The following CNTN5 variants were observed in gnomAD, a reference collection of about 807,000 sequenced individuals.
CNTN5 encodes the protein contactin 5.
A neutral mutation model predicts 129.1 loss-of-function variants in CNTN5; 77 were observed. The observed-to-expected ratio is 0.60, with a 90% CI of 0.50 to 0.72. The LOEUF is 0.72. Among genes scored for constraint, CNTN5 ranks in the 30% least tolerant of loss-of-function variants. The pLI is 0.00. For synonymous variants in CNTN5, 509 were observed against 465.6 expected (o/e 1.09, Z -1.20); for missense variants, 1,478 against 1,328.8 (o/e 1.11, Z -1.75).
At chr11:99,047,549 G>A (rs1004213285) in intron 1 of CNTN5, among the ~76,000 whole-genome samples, 2 of 152,016 alleles carry the variant, frequency 1.3e-5, no homozygotes, top group African/African-American at 4.8e-5. Flanking sequence ...ATAACATTTT[G>A]TTACAATAAT....
intron 3 of CNTN5, among the ~76,000 whole-genome samples, chr11:99,683,729 A>G (rs1050912521): frequency 5.3e-5 from 8 of 151,886 alleles, no homozygotes; most frequent in African/African-American, 1.9e-4. Flanking sequence ...TAACTGTTTT[A>G]AAATAATGAG....
intron 1 of CNTN5, among the ~76,000 whole-genome samples, chr11:99,296,745 T>C (rs887800181): frequency 6.6e-6 from 1 of 152,182 alleles, no homozygotes; most frequent in Non-Finnish European, 1.5e-5. Context: ...TATCCACTTT[T>C]AATTAAGCTG....
chr11:99,479,602 A>G (rs1945512069), intron 2 of CNTN5, among the ~76,000 whole-genome samples: 1 of 152,110 alleles, frequency 6.6e-6, no homozygotes, highest in East Asian at 1.9e-4. Context: ...CTAGAAATAC[A>G]TCATACCAAG....
chr11:99,655,037 C>T (rs1037915694), intron 3 of CNTN5, among the ~76,000 whole-genome samples: 2 of 151,434 alleles, frequency 1.3e-5, no homozygotes, highest in Non-Finnish European at 1.5e-5. Flanking sequence ...AAGAGTGCTG[C>T]GTGAAGTCAT....
At chr11:100,141,523 A>G (rs1365806265) in intron 13 of CNTN5, among the ~76,000 whole-genome samples, 2 of 152,126 alleles carry the variant, frequency 1.3e-5, no homozygotes, top group Admixed American at 1.3e-4. Flanking sequence ...AGAGAATAAC[A>G]ACTTACCTCT....
At chr11:100,319,435 G>A (rs1451373895) in intron 21 of CNTN5, among the ~76,000 whole-genome samples, 1 of 152,114 alleles carries the variant, frequency 6.6e-6, no homozygotes, top group Non-Finnish European at 1.5e-5. Context: ...TTACAGGCAT[G>A]AGCCACTGTG....
chr11:100,277,168 G>GAAT (rs1477059345), intron 18 of CNTN5, among the ~76,000 whole-genome samples: 1 of 152,086 alleles, frequency 6.6e-6, no homozygotes, highest in Non-Finnish European at 1.5e-5. Context: ...TCTTTTGTAT[G>GAAT]GCTCAATAAT....
intron 2 of CNTN5, among the ~76,000 whole-genome samples, chr11:99,466,231 G>A (rs2726389): frequency 6.6e-6 from 1 of 151,888 alleles, no homozygotes; most frequent in African/African-American, 2.4e-5. Flanking sequence ...TCACTTCTAC[G>A]AGAACAGCAA....
At chr11:99,987,487 A>G (rs911171752) in intron 8 of CNTN5, among the ~76,000 whole-genome samples, 5 of 150,354 alleles carry the variant, frequency 3.3e-5, no homozygotes, top group African/African-American at 9.7e-5. Flanking sequence ...ATATGTGTAT[A>G]TATTTACATT....
intron 7 of CNTN5, among the ~76,000 whole-genome samples, chr11:99,934,383 G>T (rs982734054): frequency 3.3e-5 from 5 of 152,022 alleles, no homozygotes; most frequent in African/African-American, 1.2e-4. Flanking sequence ...ACATATTTTT[G>T]AGTTTAAATA....
At chr11:99,399,899 G>A (rs1462367106) in intron 2 of CNTN5, among the ~76,000 whole-genome samples, 1 of 151,398 alleles carries the variant, frequency 6.6e-6, no homozygotes, top group African/African-American at 2.4e-5. Context: ...ATACATTTAT[G>A]GAGTACATGA....
At chr11:99,344,426 C>A (rs1254853037) in intron 2 of CNTN5, among the ~76,000 whole-genome samples, 23 of 152,104 alleles carry the variant, frequency 1.5e-4, no homozygotes. Context: ...CACATTGTTT[C>A]ATTTTTTAAA....
intron 3 of CNTN5, among the ~76,000 whole-genome samples, chr11:99,582,839 C>T (rs1949657471): frequency 6.6e-6 from 1 of 152,230 alleles, no homozygotes; most frequent in South Asian, 2.1e-4. Flanking sequence ...AAGTCATTCC[C>T]TGTCCAGCTT....
intron 3 of CNTN5, among the ~76,000 whole-genome samples, chr11:99,637,376 T>C (rs907688046): frequency 7.9e-5 from 12 of 152,128 alleles, no homozygotes; most frequent in African/African-American, 2.9e-4. Context: ...ATTAGCGTTG[T>C]ATATAGCATA....
intron 1 of CNTN5, among the ~76,000 whole-genome samples, chr11:99,120,703 T>A (rs1858277581): frequency 6.6e-6 from 1 of 152,190 alleles, no homozygotes; most frequent in African/African-American, 2.4e-5. Flanking sequence ...CACACAAGGC[T>A]TGGGAAAATA....
At chr11:99,547,003 CTT>C (rs59675284) in intron 2 of CNTN5, among the ~76,000 whole-genome samples, 10 of 128,628 alleles carry the variant, frequency 7.8e-5, no homozygotes, top group Non-Finnish European at 6.4e-5. Flanking sequence ...AAATTATTTT[CTT>C]TTTTTTTTTT....
intron 1 of CNTN5, among the ~76,000 whole-genome samples, chr11:99,287,154 A>G (rs540119610): frequency 1.3e-5 from 2 of 152,298 alleles, no homozygotes; most frequent in South Asian, 2.1e-4. Flanking sequence ...AGCAGAAGCT[A>G]TGTAAAAACT....
intron 3 of CNTN5, among the ~76,000 whole-genome samples, chr11:99,713,075 A>G (rs1179110829): frequency 6.6e-6 from 1 of 152,116 alleles, no homozygotes; most frequent in Non-Finnish European, 1.5e-5. Context: ...TACTTCGGGC[A>G]ATGTTGCCAT....
At chr11:99,864,282 T>A (rs1948295575) in intron 6 of CNTN5, among the ~76,000 whole-genome samples, 1 of 151,680 alleles carries the variant, frequency 6.6e-6, no homozygotes, top group South Asian at 2.1e-4. Flanking sequence ...GATACTATCC[T>A]GTAGTAATAC....
Sources: gnomAD v4.1 joint callset for allele counts (sites outside exome capture counted in the v4.1 genomes callset) on GRCh38, gnomAD v4.1.1 for gene constraint, MANE v1.5 for transcripts, NCBI Gene and HGNC (gene_info 2026-07-23, HGNC 2026-07-21) for gene names.